EYS: variants seen among roughly 807,000 people sequenced by gnomAD.
EYS encodes protein eyes shut homolog.
A neutral mutation model predicts 282.1 loss-of-function variants in EYS; 250 were observed. The observed-to-expected ratio is 0.89, with a 90% CI of 0.80 to 0.98. The LOEUF is 0.98. EYS is among the 50% of genes least tolerant of loss of function. The pLI is 0.00. For synonymous variants in EYS, 1,355 were observed against 1,282.9 expected, an observed-to-expected ratio of 1.06 and a Z score of -1.20; for missense variants, 4,016 against 3,709.0, an observed-to-expected ratio of 1.08 and a Z score of -2.15.
intron 35 of EYS, among the ~76,000 whole-genome samples, chr6:63,970,411 A>G (rs1480711197): frequency 6.6e-6 from 1 of 152,120 alleles, no homozygotes; most frequent in Admixed American, 6.6e-5. Context: ...CGAGGTGGCC[A>G]GATCACTAGG....
At chr6:64,441,940 C>T (rs1288677257) in intron 26 of EYS, among the ~76,000 whole-genome samples, 2 of 152,020 alleles carry the variant, frequency 1.3e-5, no homozygotes, top group Non-Finnish European at 2.9e-5. Flanking sequence ...TAAATTGGTA[C>T]CAGTAGAGTG....
chr6:65,238,087 A>C (rs1390967412), intron 12 of EYS, among the ~76,000 whole-genome samples: 1 of 151,842 alleles, frequency 6.6e-6, no homozygotes, highest in Non-Finnish European at 1.5e-5. Context: ...TTTTTTACCA[A>C]AGTTTGATTT....
chr6:63,805,029 T>C (rs1770869288), intron 37 of EYS, among the ~76,000 whole-genome samples: 1 of 152,072 alleles, frequency 6.6e-6, no homozygotes, highest in Non-Finnish European at 1.5e-5. Flanking sequence ...TTCAGACATA[T>C]GCTGATACAG....
intron 12 of EYS, among the ~76,000 whole-genome samples, chr6:65,244,063 C>T (rs1767119612): frequency 6.6e-6 from 1 of 152,172 alleles, no homozygotes; most frequent in Non-Finnish European, 1.5e-5. Flanking sequence ...TGAACGCTCA[C>T]TCTGATAAAT....
At chr6:65,660,400 G>C (rs1767962668) in intron 1 of EYS, among the ~76,000 whole-genome samples, 1 of 151,678 alleles carries the variant, frequency 6.6e-6, no homozygotes, top group Admixed American at 6.6e-5. Flanking sequence ...AATATGATGA[G>C]GGGACAGTTC....
chr6:63,962,450 G>A (rs1195114982), intron 35 of EYS, among the ~76,000 whole-genome samples: 7 of 152,058 alleles, frequency 4.6e-5, no homozygotes, highest in Admixed American at 6.6e-5. Context: ...GTGGGCAAAG[G>A]ATATGAACAG....
chr6:64,101,628 T>G (rs1252384013), intron 31 of EYS, among the ~76,000 whole-genome samples: 1 of 151,598 alleles, frequency 6.6e-6, no homozygotes, highest in Non-Finnish European at 1.5e-5. Context: ...TGTAGAGTAA[T>G]AGTCTAATAG....
intron 1 of EYS, among the ~76,000 whole-genome samples, chr6:65,661,779 G>T (rs1309143258): frequency 1.3e-5 from 2 of 152,068 alleles, no homozygotes; most frequent in Non-Finnish European, 2.9e-5. Flanking sequence ...AAAAATCTGT[G>T]CCTGCACAAG....
Position 64,494,762 on chromosome 6 carries a change from C to T in EYS, c.5645-55410G>A, listed in dbSNP as rs1052033696. 2.0e-5 allele frequency among the ~76,000 whole-genome samples: 3 copies of T among 151,710 alleles called. No homozygotes were observed. The South Asian group carries it at 6.2e-4, about 31-fold the overall frequency. Reference sequence around the variant, plus strand: ...TTTTATACCTCATGAATGTTATATTCTTTGGCTTCTCTGGGCCCATTTTCC... The same window carrying T: ...TTTTATACCTCATGAATGTTATATTTTTTGGCTTCTCTGGGCCCATTTTCC... On this transcript the variant is annotated intron_variant, in intron 26 of 42. Coordinates refer to ENST00000503581, the MANE Select transcript of EYS (RefSeq NM_001142800.2).
At chr6:64,519,727 A>G (rs902734887) in intron 26 of EYS, among the ~76,000 whole-genome samples, 1 of 151,814 alleles carries the variant, frequency 6.6e-6, no homozygotes, top group Non-Finnish European at 1.5e-5. Context: ...AACTTGAAGA[A>G]TATCTTTAGA....
chr6:64,076,763 TA>T (rs1562188131), intron 32 of EYS, among the ~76,000 whole-genome samples: 1 of 151,878 alleles, frequency 6.6e-6, no homozygotes, highest in African/African-American at 2.4e-5. Context: ...TCTTTATTAG[TA>T]GTGTAAAAAC....
At chr6:64,416,713 A>G (rs563305111) in intron 28 of EYS, among the ~76,000 whole-genome samples, 5 of 152,270 alleles carry the variant, frequency 3.3e-5, no homozygotes, top group Admixed American at 1.3e-4. Flanking sequence ...TTTTTGAGAC[A>G]TTAATGGTAC....
chr6:63,839,336 A>T (rs1056054816), intron 36 of EYS, among the ~76,000 whole-genome samples: 1 of 152,124 alleles, frequency 6.6e-6, no homozygotes, highest in East Asian at 1.9e-4. Context: ...TTCCTGGCTT[A>T]TTTCACTTAA....
intron 5 of EYS, among the ~76,000 whole-genome samples, chr6:65,421,276 A>C (rs1162456113): frequency 6.6e-6 from 1 of 151,674 alleles, no homozygotes; most frequent in African/African-American, 2.4e-5. Context: ...TTCACATTGC[A>C]CTATTATGTT....
chr6:65,619,940 G>T (rs113893012), intron 2 of EYS, among the ~76,000 whole-genome samples: 1 of 151,404 alleles, frequency 6.6e-6, no homozygotes, highest in Non-Finnish European at 1.5e-5. Context: ...TTGATGTGCT[G>T]CTGGATTCGG....
chr6:65,329,371 A>C, intron 11 of EYS: 1 of 885,352 alleles, frequency 1.1e-6, no homozygotes, highest in Non-Finnish European at 1.4e-6. Context: ...TGCTTAAATG[A>C]ATGATTTCTA....
At position 64,558,302 on chromosome 6, in the gene EYS, CAG is replaced by C. The variant is rs577119140; in HGVS notation, c.5644+31919_5644+31920del. 4.9e-4 allele frequency among the ~76,000 whole-genome samples: 74 copies of C among 152,132 alleles called. No homozygotes were observed. The South Asian group carries it at 0.011, about 22-fold the overall frequency. ...CTTTTGCTGTAGAGTAATTTTCAGTCAGGGGAAATTTGGCAACATCTGTAGAC... is the reference window on the plus strand; with the variant it reads ...CTTTTGCTGTAGAGTAATTTTCAGTCGGGAAATTTGGCAACATCTGTAGAC... On this transcript the variant is annotated intron_variant, in intron 26 of 42. Transcript: ENST00000503581.
chr6:64,607,009 AG>A (rs1766957054), intron 24 of EYS, among the ~76,000 whole-genome samples: 1 of 151,828 alleles, frequency 6.6e-6, no homozygotes, highest in African/African-American at 2.4e-5. Context: ...TTTTTAATTA[AG>A]GGGGGAAAAG....
chr6:64,332,711 C>G (rs548215635), intron 29 of EYS, among the ~76,000 whole-genome samples: 2 of 152,314 alleles, frequency 1.3e-5, no homozygotes, highest in Admixed American at 1.3e-4. Flanking sequence ...GGTCCACGCA[C>G]AGCTGAAGCT....
Sources: gnomAD v4.1 joint callset for allele counts (sites outside exome capture counted in the v4.1 genomes callset) on GRCh38, gnomAD v4.1.1 for gene constraint, MANE v1.5 for transcripts, NCBI Gene and HGNC (gene_info 2026-07-23, HGNC 2026-07-21) for gene names.